The following PRIMA1 variants were observed in gnomAD, a reference collection of about 807,000 sequenced individuals.
PRIMA1 encodes proline-rich membrane anchor 1.
Under a neutral mutation model 17.5 loss-of-function variants are expected in PRIMA1, and 7 were observed. That is an observed-to-expected ratio of 0.40 (90% CI 0.23 to 0.75). The LOEUF (loss-of-function observed/expected upper bound fraction) is 0.75, where lower values mean the gene tolerates loss of function less well. Ranked by LOEUF, PRIMA1 falls within the 30% of genes least tolerant of loss-of-function variation. PRIMA1 has a pLI of 0.37. For missense variants in PRIMA1, 200 were observed against 201.8 expected, an observed-to-expected ratio of 0.99 and a Z score of 0.05; for synonymous variants, 97 against 77.9, an observed-to-expected ratio of 1.25 and a Z score of -1.29.
chr14:93,743,901 A>G (rs1345747452), intron 3 of PRIMA1, among the ~76,000 whole-genome samples: 1 of 152,200 alleles, frequency 6.6e-6, no homozygotes, highest in African/African-American at 2.4e-5. Flanking sequence ...GTGCGCGCTG[A>G]AAGGGGGCGG....
intron 4 of PRIMA1, among the ~76,000 whole-genome samples, chr14:93,727,825 C>A (rs187219468): frequency 1.6e-3 from 245 of 151,368 alleles, no homozygotes; most frequent in African/African-American, 5.8e-3. Context: ...TCACAAAAGG[C>A]CTTCATTGGT....
At chr14:93,783,647 G>A (rs1484429859) in intron 2 of PRIMA1, among the ~76,000 whole-genome samples, 1 of 152,232 alleles carries the variant, frequency 6.6e-6, no homozygotes, top group African/African-American at 2.4e-5. Flanking sequence ...CCCACAGAAC[G>A]CAGGCTGGTT....
chr14:93,781,738 G>A (rs1226856835), intron 2 of PRIMA1, among the ~76,000 whole-genome samples: 3 of 152,152 alleles, frequency 2.0e-5, no homozygotes, highest in African/African-American at 7.2e-5. Flanking sequence ...ACTTTGGGAG[G>A]CCAAGGCGGG....
At position 93,755,500 on chromosome 14, in the gene PRIMA1, C is replaced by A. The variant is rs2076285277; in HGVS notation, c.230-18130G>T. Among the ~76,000 whole-genome samples the A allele has an allele frequency of 5.3e-5, 8 of 152,126 alleles. No homozygotes were observed. The South Asian group carries it at 1.5e-3, about 28-fold the overall frequency. ...TGCCAAAACTAACTGAGTAGGAAAA[C>A]CAGAGCCGAGTAGGAATGGGGTTCT... On this transcript the variant is annotated intron_variant, in intron 3 of 4. Coordinates refer to ENST00000393140, the MANE Select transcript of PRIMA1 (RefSeq NM_178013.4).
intron 4 of PRIMA1, among the ~76,000 whole-genome samples, chr14:93,730,813 T>C (rs2076109094): frequency 6.6e-6 from 1 of 152,196 alleles, no homozygotes; most frequent in Non-Finnish European, 1.5e-5. Context: ...AGGAAAGATC[T>C]TGGGAAAAAT....
At chr14:93,753,700 C>T (rs1196760698) in intron 3 of PRIMA1, among the ~76,000 whole-genome samples, 1 of 152,154 alleles carries the variant, frequency 6.6e-6, no homozygotes, top group Non-Finnish European at 1.5e-5. Context: ...CACTGGAGAC[C>T]CACCCTTGCC....
chr14:93,745,337 C>T (rs2141167289), intron 3 of PRIMA1, among the ~76,000 whole-genome samples: 1 of 152,332 alleles, frequency 6.6e-6, no homozygotes, highest in Non-Finnish European at 1.5e-5. Context: ...AAGGGTGGGC[C>T]AGGCTGGACT....
intron 3 of PRIMA1, among the ~76,000 whole-genome samples, chr14:93,767,938 A>G (rs756902605): frequency 5.9e-5 from 9 of 152,274 alleles, no homozygotes; most frequent in Non-Finnish European, 7.4e-5. Context: ...AGGGGATGGT[A>G]GGTATGGGTT....
intron 4 of PRIMA1, among the ~76,000 whole-genome samples, chr14:93,734,734 CG>C (rs2076138613): frequency 6.6e-6 from 1 of 151,702 alleles, no homozygotes; most frequent in Admixed American, 6.6e-5. Context: ...GCCCCGCCCA[CG>C]CCCTGGTGGA....
At chr14:93,752,104 G>A (rs1009432245) in intron 3 of PRIMA1, among the ~76,000 whole-genome samples, 15 of 152,146 alleles carry the variant, frequency 9.9e-5, no homozygotes, top group Non-Finnish European at 1.9e-4. Flanking sequence ...GCCAGGAGCC[G>A]TTTTCTTACC....
chr14:93,782,049 C>T (rs931850013), intron 2 of PRIMA1, among the ~76,000 whole-genome samples: 19 of 151,584 alleles, frequency 1.3e-4, no homozygotes, highest in Admixed American at 7.9e-4. Flanking sequence ...AGGCGGATCA[C>T]GAGGTCAGGA....
chr14:93,788,776 G>T (rs1272692221), upstream of PRIMA1, among the ~76,000 whole-genome samples: 1 of 151,978 alleles, frequency 6.6e-6, no homozygotes, highest in Admixed American at 6.6e-5. Context: ...CAGGGCCAGG[G>T]CTGGCCGCCG....
At position 93,726,769 on chromosome 14, in the gene PRIMA1, C is replaced by A; in HGVS notation, c.360-5223G>T. Among the ~76,000 whole-genome samples the A allele has an allele frequency of 6.6e-6, 1 of 152,114 alleles. No individual in the cohort carries two copies. The highest frequency in any genetic ancestry group is 3.4e-3 in the Middle Eastern group (1 of 294). ...GGCACATACGCATAAATGTACAAAT[C>A]CACACACACAAACAATATACACATA... On this transcript the variant is annotated intron_variant, in intron 4 of 4. Transcript: ENST00000393140. This position sits in a 1 kb window ranked among gnomAD's most constrained non-coding sequence, Gnocchi z 4.2.
chr14:93,787,889 AC>A, intron 1 of PRIMA1, 140 bp from the exon 2 acceptor site: 2 of 875,244 alleles, frequency 2.3e-6, no homozygotes. Context: ...CTGCACTTAC[AC>A]TCCAGCTTAC....
At chr14:93,729,617 A>G (rs188138313) in intron 4 of PRIMA1, among the ~76,000 whole-genome samples, 223 of 152,170 alleles carry the variant, frequency 1.5e-3, no homozygotes, top group African/African-American at 5.0e-3. Context: ...TTTCTTCCCC[A>G]TGCCCCTCCT....
In PRIMA1 at chr14:93,730,006, C is replaced by T. The variant is rs144114665; in HGVS notation, c.359+7235G>A. Among the ~76,000 whole-genome samples the T allele has an allele frequency of 1.1e-3, 164 of 152,236 alleles. 2 individuals are homozygous for T. Among genetic ancestry groups the T allele is most frequent in the African/African-American group, 3.8e-3 (158 of 41,542 alleles). On this transcript the variant is annotated intron_variant, in intron 4 of 4. Coordinates refer to ENST00000393140, the MANE Select transcript of PRIMA1 (RefSeq NM_178013.4). ...TGGTGCATGTTATTTACACCAAAAG[C>T]AGACGATTTCACTCACCCAGATAGA...
At chr14:93,750,228 C>T (rs937022831) in intron 3 of PRIMA1, among the ~76,000 whole-genome samples, 2 of 151,950 alleles carry the variant, frequency 1.3e-5, no homozygotes, top group African/African-American at 2.4e-5. Flanking sequence ...AAAAATAGTG[C>T]GACAAAAAAT....
At chr14:93,734,272 G>A (rs2076134239) in intron 4 of PRIMA1, among the ~76,000 whole-genome samples, 1 of 152,212 alleles carries the variant, frequency 6.6e-6, no homozygotes, top group Non-Finnish European at 1.5e-5. Flanking sequence ...TCTGCCCTGT[G>A]CCCCCGGGAG....
At chr14:93,770,802 G>A (rs1326366188) in intron 3 of PRIMA1, among the ~76,000 whole-genome samples, 4 of 152,240 alleles carry the variant, frequency 2.6e-5, no homozygotes, top group South Asian at 4.2e-4. Flanking sequence ...TAGATTCCCA[G>A]CACCTAGTAC....
Sources: allele counts gnomAD v4.1 joint callset (sites outside exome capture counted in the v4.1 genomes callset), GRCh38; gene constraint gnomAD v4.1.1; non-coding constraint Gnocchi (gnomAD v3.1); transcripts MANE v1.5; gene names NCBI Gene and HGNC (gene_info 2026-07-23, HGNC 2026-07-21).